The following COL1A2 variants were observed in gnomAD, a reference collection of about 807,000 sequenced individuals.
COL1A2 encodes collagen type I alpha 2 chain, also known as collagen alpha-2(I) chain.
Under a neutral mutation model 174.3 loss-of-function variants are expected in COL1A2, and 49 were observed. That is an observed-to-expected ratio of 0.28 (90% CI 0.22 to 0.36). The LOEUF is 0.36. COL1A2 is among the 10% of genes least tolerant of loss of function. The pLI, the probability that COL1A2 is intolerant of heterozygous loss-of-function variation, is 1.00. For missense variants in COL1A2, 1,438 were observed against 1,822.7 expected, an observed-to-expected ratio of 0.79 and a Z score of 3.84; for synonymous variants, 655 against 606.6, an observed-to-expected ratio of 1.08 and a Z score of -1.17.
At chr7:94,401,539 AT>A in intron 5 of COL1A2, 27 bp from the exon 6 acceptor site, 5 of 1,070,326 alleles carry the variant, frequency 4.7e-6, no homozygotes, top group South Asian at 2.9e-5. Context: ...TTATATATAT[AT>A]ATAATTTTTT....
At chr7:94,416,350 C>A in intron 30 of COL1A2, 55 bp from the exon 31 acceptor site, 1 of 1,404,234 alleles carries the variant, frequency 7.1e-7, no homozygotes, top group Non-Finnish European at 9.9e-7. Context: ...ATATGTAAAA[C>A]AGTATCACTG....
chr7:94,419,655 C>G, intron 34 of COL1A2, 104 bp downstream of exon 34: 1 of 1,271,166 alleles, frequency 7.9e-7, no homozygotes. Flanking sequence ...GGTATAAAGC[C>G]TACTTATTTA....
At chr7:94,414,608 AATTTTCAATCAAACT>A (rs1195705259) in intron 29 of COL1A2, among the ~76,000 whole-genome samples, 1 of 152,222 alleles carries the variant, frequency 6.6e-6, no homozygotes, top group Non-Finnish European at 1.5e-5. Context: ...GTAAATGCAC[AATTTTCAATCAAACT>A]AGATCCCGAA....
At chr7:94,425,331 G>T in intron 42 of COL1A2, 107 bp downstream of exon 42, 1 of 1,102,064 alleles carries the variant, frequency 9.1e-7, no homozygotes, top group Non-Finnish European at 1.4e-6. Flanking sequence ...GAACAAGATG[G>T]TCAGCTTCTC....
rs1791870808 is a variant in COL1A2, at chr7:94,409,405, C to G, written c.876C>G (p.Gly292=). The change falls in exon 17 of 52, where the codon GGC becomes GGG. Residue 292 remains glycine, a synonymous_variant. Transcript: ENST00000297268. ...RGEVGLPGLS[G]PVGPPGNPGA... ...AAGTGGGTCTTCCAGGCCTCTCCGG[C>G]CCCGTTGGACCTCCTGTAAGTAGCC... 6.2e-7 allele frequency: 1 copy of G among 1,614,038 alleles called. No homozygotes were observed. Among genetic ancestry groups the G allele is most frequent in the African/African-American group, 1.3e-5 (1 of 74,914 alleles).
In COL1A2 at chr7:94,412,965, C is replaced by G; in HGVS notation, c.1504-118C>G. The G allele has an allele frequency of 3.0e-6, 3 of 988,120 alleles. 1 individual carries two copies. The South Asian group carries it at 3.9e-5, about 13-fold the overall frequency. The allele number at this position is 988,120 out of a possible 1,614,324, so 61.2% of individuals were successfully genotyped here. ...ATCCTTAGATAACAGAAACCACAGA[C>G]TAGGGATCTCAAAAGAACACAAAAA... On this transcript the variant is annotated intron_variant, in intron 25 of 51. Coordinates refer to ENST00000297268, the MANE Select transcript of COL1A2 (RefSeq NM_000089.4).
intron 36 of COL1A2, 48 bp downstream of exon 36, chr7:94,420,492 G>C (rs781481224): frequency 6.2e-7 from 1 of 1,614,052 alleles, no homozygotes; most frequent in South Asian, 1.1e-5. Flanking sequence ...CTAAGTTGGG[G>C]AGTAGAGTGG....
rs140194114 is a variant in COL1A2 at position 94,425,796 on chromosome 7, G to T, written c.2882G>T (p.Gly961Val). Residue 961 changes from glycine (G) to valine (V), a missense_variant, in exon 44 of 52, where the codon GGT becomes GTT. By Grantham distance (109) the Gly-to-Val change is moderately radical. Around this residue, in one of 3 missense-constraint regions of COL1A2, gnomAD observed 867 missense variants for 1,213.7 expected, o/e 0.71. Transcript: ENST00000297268. The part of the protein sequence containing the change: ...PGNIGPVGAA[G>V]APGPHGPVGP... ...AATATTGGTCCCGTTGGTGCTGCAG[G>T]TGCACCTGGTCCTCATGGCCCCGTG... The T allele has an allele frequency of 3.1e-6, 5 of 1,613,178 alleles. No individual in the cohort carries two copies. Among genetic ancestry groups the T allele is most frequent in the Non-Finnish European group, 4.2e-6 (5 of 1,179,628 alleles).
At chr7:94,406,489 A>G (rs1258604983) in intron 12 of COL1A2, among the ~76,000 whole-genome samples, 186 bp downstream of exon 12, 1 of 152,192 alleles carries the variant, frequency 6.6e-6, no homozygotes, top group African/African-American at 2.4e-5. Flanking sequence ...TCAATTATTA[A>G]TATTTATTAA....
Position 94,429,328 on chromosome 7 carries a change from C to T in COL1A2, c.3852C>T (p.Gly1284=), listed in dbSNP as rs663. 1.9e-6 allele frequency: 3 copies of T among 1,613,940 alleles called. No homozygotes were observed. The highest frequency in any genetic ancestry group is 2.7e-5 in the African/African-American group (2 of 74,896). The stretch of plus-strand genomic sequence containing the variant: ...TTGCATACATGGATGAGGAGACTGG[C>T]AACCTGAAAAAGGCTGTCATTCTAC... ...NSIAYMDEET[G]NLKKAVILQG... is the part of the protein sequence containing the mutation. The change falls in exon 51 of 52, where the codon GGC becomes GGT. Residue 1284 remains glycine, a synonymous_variant. Transcript: ENST00000297268.
In COL1A2 at chr7:94,417,918, A is replaced by G. The variant is rs1792075905; in HGVS notation, c.1971+87A>G. On this transcript the variant is annotated intron_variant, in intron 32 of 51. Transcript: ENST00000297268. ...TGCCCAAGTTTTCACAATTCTTGGCAGGTGGTCTGGTAGCATTTTCATATC... is the reference window on the plus strand; with the variant it reads ...TGCCCAAGTTTTCACAATTCTTGGCGGGTGGTCTGGTAGCATTTTCATATC... The G allele has an allele frequency of 8.2e-6, 9 of 1,101,276 alleles. No individual in the cohort carries two copies. In the South Asian group the frequency reaches 9.4e-5, roughly 11 times the overall value. The allele number at this position is 1,101,276 out of a possible 1,614,324, so 68.2% of individuals were successfully genotyped here.
rs750171937 is a variant in COL1A2 at position 94,429,233 on chromosome 7, C to T, written c.3757C>T (p.Gln1253Ter). 1 of 1,613,058 alleles carries T rather than the reference C, an allele frequency of 6.2e-7. No individual in the cohort carries two copies. Among genetic ancestry groups the T allele is most frequent in the Admixed American group, 1.7e-5 (1 of 60,000 alleles). ...EGVTSKEMATQLAFMRLLANY... is the reference protein window; with the variant it reads ...EGVTSKEMAT ...AGTGACTTCCAAGGAAATGGCTACCCAACTTGCCTTCATGCGCCTGCTGGC... is the reference window on the plus strand; with the variant it reads ...AGTGACTTCCAAGGAAATGGCTACCTAACTTGCCTTCATGCGCCTGCTGGC... Residue 1253 changes from glutamine (Q) to a stop codon, truncating the protein, a stop_gained, in exon 51 of 52, where the codon CAA (glutamine) becomes TAA (stop). Transcript: ENST00000297268. LOFTEE classifies it high-confidence loss of function.
chr7:94,428,519 T>C (rs1166078793), intron 50 of COL1A2, 42 bp downstream of exon 50: 3 of 1,556,388 alleles, frequency 1.9e-6, no homozygotes, highest in South Asian at 2.2e-5. Context: ...CTAAATAATA[T>C]TTTGGTAGGA....
At chr7:94,426,088 A>G in intron 45 of COL1A2, 37 bp downstream of exon 45, 2 of 1,553,464 alleles carry the variant, frequency 1.3e-6, no homozygotes, top group Non-Finnish European at 1.8e-6. Context: ...CAACACTAAC[A>G]TTTAGAGAGA....
At chr7:94,415,922 A>G (rs1481883334) in intron 30 of COL1A2, among the ~76,000 whole-genome samples, 1 of 152,228 alleles carries the variant, frequency 6.6e-6, no homozygotes, top group Non-Finnish European at 1.5e-5. Context: ...ATACACAAAT[A>G]CATATATCAA....
Position 94,400,184 on chromosome 7 carries a change from T to C in COL1A2, c.133-12T>C. 6.2e-7 allele frequency: 1 copy of C among 1,613,806 alleles called. No homozygotes were observed. The highest frequency in any genetic ancestry group is 8.5e-7 in the Non-Finnish European group (1 of 1,179,864). ...CTGTCTAACCTGACCTTACTCACTTTTTACATAACAGGGTCCACCAGGCCC... is the reference window on the plus strand; with the variant it reads ...CTGTCTAACCTGACCTTACTCACTTCTTACATAACAGGGTCCACCAGGCCC... On this transcript the variant is annotated splice_polypyrimidine_tract_variant and intron_variant, in intron 4 of 51. Coordinates refer to ENST00000297268, the MANE Select transcript of COL1A2 (RefSeq NM_000089.4).
intron 1 of COL1A2, 92 bp from the exon 2 acceptor site, chr7:94,397,656 A>C (rs1475999299): frequency 1.3e-6 from 1 of 744,936 alleles, no homozygotes; most frequent in East Asian, 2.6e-5. Context: ...ATTCAATTCT[A>C]TAAACTTGTT....
chr7:94,424,262 T>TC lies in COL1A2; in HGVS notation c.2566-73dup, dbSNP rs918354431. ...TTTCTAAGCTGAAGACAGTTTATTC[T>TC]CACAATCTTCAAGCCAACCTGTGTT... On this transcript the variant is annotated intron_variant, in intron 40 of 51. Coordinates refer to ENST00000297268, the MANE Select transcript of COL1A2 (RefSeq NM_000089.4). 3.4e-5 allele frequency: 44 copies of TC among 1,285,266 alleles called. No individual in the cohort carries two copies. In the African/African-American group the frequency reaches 5.8e-4, roughly 17 times the overall value. 79.6% of individuals were successfully genotyped at this position (1,285,266 alleles called of 1,614,324 possible).
chr7:94,419,232 C>T (rs552302861), intron 33 of COL1A2, among the ~76,000 whole-genome samples: 5 of 151,550 alleles, frequency 3.3e-5, no homozygotes, highest in African/African-American at 9.7e-5. Flanking sequence ...TTTACAATAG[C>T]GGAAAGTTCA....
Sources: allele counts gnomAD v4.1 joint callset (sites outside exome capture counted in the v4.1 genomes callset), GRCh38; gene constraint gnomAD v4.1.1; regional missense constraint gnomAD v4.1.1; transcripts MANE v1.5; gene names NCBI Gene and HGNC (gene_info 2026-07-23, HGNC 2026-07-21).